MAP3K20: variants seen among roughly 807,000 people sequenced by gnomAD.
MAP3K20 encodes the protein HCCS-4.
A neutral mutation model predicts 85.7 loss-of-function variants in MAP3K20; 40 were observed. The ratio of observed to expected loss-of-function variants is 0.47; its 90% CI spans 0.36 to 0.61. The LOEUF (loss-of-function observed/expected upper bound fraction) is 0.61, where lower values mean the gene tolerates loss of function less well. Among genes scored for constraint, MAP3K20 ranks in the 20% least tolerant of loss-of-function variants. The pLI, the probability that MAP3K20 is intolerant of heterozygous loss-of-function variation, is 0.00. For synonymous variants in MAP3K20, 325 were observed against 327.7 expected (o/e 0.99, Z 0.09); for missense variants, 817 against 961.7 (o/e 0.85, Z 1.99).
At position 173,266,811 on chromosome 2, in the gene MAP3K20, G is replaced by A; in HGVS notation, c.*61G>A. On this transcript the variant is annotated 3_prime_UTR_variant, in exon 20 of 20. Coordinates refer to ENST00000375213, the MANE Select transcript of MAP3K20 (RefSeq NM_016653.3). ...AAAAAAAAAAAAAAAGAAATGTAAT[G>A]GTTTTTGATAATATGATCCCTTCAG... The A allele has an allele frequency of 7.8e-7, 1 of 1,286,132 alleles. No individual in the cohort carries two copies. Among genetic ancestry groups the A allele is most frequent in the Non-Finnish European group, 1.0e-6 (1 of 968,260 alleles). 79.7% of individuals were successfully genotyped at this position (1,286,132 alleles called of 1,614,324 possible).
chr2:173,160,923 G>A (rs530963992), intron 2 of MAP3K20, among the ~76,000 whole-genome samples: 92 of 152,308 alleles, frequency 6.0e-4, no homozygotes, highest in African/African-American at 1.9e-3. Flanking sequence ...AGCACCTACC[G>A]TAGCTTTCAG....
At chr2:173,204,684 G>C (rs1044818349) in intron 9 of MAP3K20, among the ~76,000 whole-genome samples, 1 of 152,202 alleles carries the variant, frequency 6.6e-6, no homozygotes, top group Non-Finnish European at 1.5e-5. Flanking sequence ...GAAGGGAAAT[G>C]GATGATGGTA....
intron 10 of MAP3K20, chr2:173,215,589 G>A (rs982397422): frequency 6.6e-6 from 1 of 152,168 alleles, no homozygotes; most frequent in Non-Finnish European, 1.5e-5. Flanking sequence ...GGCACAGGGT[G>A]TTGATATTTG....
At chr2:173,091,277 A>C (rs969212914) in intron 2 of MAP3K20, 87 bp downstream of exon 2, 2 of 1,414,874 alleles carry the variant, frequency 1.4e-6, no homozygotes, top group East Asian at 4.6e-5. Context: ...ACAGGGCTGC[A>C]AGAGACCTAG....
At chr2:173,182,462 A>G (rs1199255463) in intron 3 of MAP3K20, among the ~76,000 whole-genome samples, 2 of 152,170 alleles carry the variant, frequency 1.3e-5, no homozygotes, top group South Asian at 2.1e-4. Context: ...TGTGACAACA[A>G]TTGATTTGTT....
At chr2:173,144,462 C>CAAAAAA (rs71018537) in intron 2 of MAP3K20, among the ~76,000 whole-genome samples, 8 of 92,878 alleles carry the variant, frequency 8.6e-5, no homozygotes, top group Non-Finnish European at 1.3e-4. Context: ...GACTCCGTCT[C>CAAAAAA]AAAAAAAAAA....
At chr2:173,079,062 C>T (rs548327107) in intron 1 of MAP3K20, among the ~76,000 whole-genome samples, 74 of 152,246 alleles carry the variant, frequency 4.9e-4, no homozygotes, top group Middle Eastern at 3.4e-3. Context: ...TGTGTTGTTA[C>T]GTGATGTTGT....
intron 7 of MAP3K20, among the ~76,000 whole-genome samples, chr2:173,197,068 A>C (rs1690868178): frequency 6.6e-6 from 1 of 152,236 alleles, no homozygotes; most frequent in South Asian, 2.1e-4. Context: ...TCTGGAATAT[A>C]ATAAGTACTC....
Position 173,263,758 on chromosome 2 carries a change from C to G in MAP3K20, c.1565C>G (p.Thr522Ser). Residue 522 changes from threonine to serine, a missense_variant, in exon 19 of 20, where the codon ACT (threonine) becomes AGT (serine). Thr to Ser is a moderately conservative substitution (Grantham distance 58). Transcript: ENST00000375213. ...TTGTTTTACCAGAGTGATGTTAGAACTCCAAAAAGCACTAAACATGTCCAT... is the reference window on the plus strand; with the variant it reads ...TTGTTTTACCAGAGTGATGTTAGAAGTCCAAAAAGCACTAAACATGTCCAT... ...CTVTYESDVR[T>S]PKSTKHVHSI... 10 of 1,606,964 alleles carry G rather than the reference C, an allele frequency of 6.2e-6. No individual in the cohort carries two copies. The highest frequency in any genetic ancestry group is 8.5e-6 in the Non-Finnish European group (10 of 1,178,132).
intron 2 of MAP3K20, among the ~76,000 whole-genome samples, chr2:173,127,431 A>G (rs532321876): frequency 6.6e-6 from 1 of 152,362 alleles, no homozygotes; most frequent in East Asian, 1.9e-4. Context: ...TAAAAAGTCG[A>G]TCTTTAGAAT....
chr2:173,232,514 T>G (rs1684546398), intron 14 of MAP3K20, 55 bp downstream of exon 14: 7 of 1,589,196 alleles, frequency 4.4e-6, no homozygotes, highest in East Asian at 2.2e-5. Flanking sequence ...GTTTGTTTGG[T>G]TTTTTTTGAG....
At chr2:173,194,476 A>C (rs966825871) in intron 7 of MAP3K20, among the ~76,000 whole-genome samples, 14 of 152,124 alleles carry the variant, frequency 9.2e-5, no homozygotes, top group African/African-American at 3.4e-4. Flanking sequence ...TTCAAAGTAG[A>C]TGTTATAGAA....
At chr2:173,265,972 T>C in intron 19 of MAP3K20, 78 bp from the exon 20 acceptor site, 1 of 1,430,370 alleles carries the variant, frequency 7.0e-7, no homozygotes, top group Non-Finnish European at 9.4e-7. Context: ...AGCCCTGAAT[T>C]ATCCTAAGAC....
intron 2 of MAP3K20, among the ~76,000 whole-genome samples, chr2:173,142,550 G>A (rs1689007858): frequency 6.6e-6 from 1 of 151,768 alleles, no homozygotes; most frequent in Non-Finnish European, 1.5e-5. Flanking sequence ...TACATTTTAT[G>A]TGTAGCACAA....
intron 3 of MAP3K20, among the ~76,000 whole-genome samples, chr2:173,171,966 GA>G (rs1236979271): frequency 1.3e-5 from 2 of 152,192 alleles, no homozygotes; most frequent in African/African-American, 2.4e-5. Flanking sequence ...GATTTGATAT[GA>G]TTATCTTTGT....
intron 10 of MAP3K20, chr2:173,214,589 TGTA>T (rs1295590048): frequency 3.9e-5 from 6 of 152,236 alleles, no homozygotes; most frequent in African/African-American, 1.4e-4. Flanking sequence ...ACATTTATCA[TGTA>T]ATATATATTC....
intron 11 of MAP3K20, chr2:173,223,470 C>T: frequency 1.0e-6 from 1 of 985,344 alleles, no homozygotes; most frequent in Non-Finnish European, 1.2e-6. Flanking sequence ...CCAGTGAAGA[C>T]ACTGAAAAAT....
rs772717698 is a variant in MAP3K20 at position 173,258,701 on chromosome 2, T to C, written c.1362T>C (p.Asp454=). ...FHLKPGTGPQ[D]CKWKMYMEMD... is the part of the protein sequence containing the mutation. ...TGTAATTTTGTTTTTAATTCCAGGATTGTAAGTGGAAAATGTATATGGAGA... is the reference window on the plus strand; with the variant it reads ...TGTAATTTTGTTTTTAATTCCAGGACTGTAAGTGGAAAATGTATATGGAGA... Residue 454 remains aspartate (D), a splice_region_variant and synonymous_variant, in exon 17 of 20, where the codon GAT becomes GAC. Coordinates refer to ENST00000375213, the MANE Select transcript of MAP3K20 (RefSeq NM_016653.3). 1.6e-5 allele frequency: 25 copies of C among 1,588,392 alleles called. No individual in the cohort carries two copies. The highest frequency in any genetic ancestry group is 9.0e-5 in the East Asian group (4 of 44,504).
At chr2:173,264,505 T>C (rs932264404) in intron 19 of MAP3K20, among the ~76,000 whole-genome samples, 2 of 152,156 alleles carry the variant, frequency 1.3e-5, no homozygotes, top group African/African-American at 2.4e-5. Context: ...AAGGAAAACT[T>C]TTCTAGAAAC....
Sources: gnomAD v4.1 joint callset for allele counts (sites outside exome capture counted in the v4.1 genomes callset) on GRCh38, gnomAD v4.1.1 for gene constraint, MANE v1.5 for transcripts, NCBI Gene and HGNC (gene_info 2026-07-23, HGNC 2026-07-21) for gene names.